SRP68: variants seen among roughly 807,000 people sequenced by gnomAD.
The protein encoded by SRP68 is signal recognition particle subunit SRP68.
SRP68 carries 15 observed loss-of-function variants against 82.2 expected under a neutral mutation model. The observed-to-expected ratio is 0.18, with a 90% CI of 0.12 to 0.28. The LOEUF is 0.28. Among genes scored for constraint, SRP68 ranks in the 10% least tolerant of loss-of-function variants. The probability of loss-of-function intolerance (pLI) is 1.00; values close to 1 mark genes in which losing one functional copy is unlikely to be tolerated. For synonymous variants in SRP68, 261 were observed against 292.6 expected (o/e 0.89, Z 1.10); for missense variants, 595 against 780.5 (o/e 0.76, Z 2.83).
In SRP68 at chr17:76,043,934, A is replaced by G. The variant is rs1048395324; in HGVS notation, c.1419T>C (p.Tyr473=). Residue 473 remains tyrosine, a synonymous_variant, in exon 13 of 16, where the codon TAT becomes TAC. Coordinates refer to ENST00000307877, the MANE Select transcript of SRP68 (RefSeq NM_014230.4). The part of the protein sequence containing the change: ...AYRCFFIAQS[Y]VLVKKWSEAL... ...CTTCGCTCCACTTCTTCACCAGCAC[A>G]TAGGACTGAGCAATGAAAAAACACC... The G allele has an allele frequency of 1.2e-6, 2 of 1,608,744 alleles. No individual in the cohort carries two copies. Among genetic ancestry groups the G allele is most frequent in the Admixed American group, 1.7e-5 (1 of 58,434 alleles).
At chr17:76,062,580 T>TTATATATTATATAA (rs2066764494) in intron 4 of SRP68, among the ~76,000 whole-genome samples, 3 of 100,478 alleles carry the variant, frequency 3.0e-5, no homozygotes, top group African/African-American at 1.3e-4. Flanking sequence ...ATAATATACA[T>TTATATATTATATAA]TATATAATAT....
chr17:76,044,089 C>T (rs2066611983), intron 12 of SRP68, 131 bp from the exon 13 acceptor site: 1 of 994,886 alleles, frequency 1.0e-6, no homozygotes, highest in Admixed American at 3.3e-5. Flanking sequence ...GCATGGGAGC[C>T]CCCTTCATGG....
intron 2 of SRP68, among the ~76,000 whole-genome samples, chr17:76,067,573 C>G (rs551200486): frequency 6.6e-6 from 1 of 152,126 alleles, no homozygotes; most frequent in Non-Finnish European, 1.5e-5. Context: ...AGTCAATCCT[C>G]CCACCTCAGC....
intron 3 of SRP68, among the ~76,000 whole-genome samples, chr17:76,065,173 G>A (rs927072996): frequency 5.9e-5 from 9 of 151,948 alleles, no homozygotes; most frequent in Non-Finnish European, 8.8e-5. Context: ...GTCCAGGCTC[G>A]GTGTAGTGGC....
rs1368687022 is a variant in SRP68, at chr17:76,072,456, G to A, written c.36C>T (p.Gly12=). 4 of 1,581,660 alleles carry A rather than the reference G, an allele frequency of 2.5e-6. No homozygotes were observed. The highest frequency in any genetic ancestry group is 1.1e-5 in the South Asian group (1 of 89,234). Residue 12 remains glycine, a synonymous_variant, in exon 1 of 16, where the codon GGC becomes GGT. Transcript: ENST00000307877. The surrounding 1 kb of genome is among the most constrained non-coding windows in gnomAD (Gnocchi z 4.5). ...AAEKQVPGGG[G]GGGSGGGGGS... Reference sequence around the variant, plus strand: ...CACCGCCGCCGCCACTGCCGCCGCCGCCGCCGCCGCCTGGGACCTGCTTCT... The same window carrying A: ...CACCGCCGCCGCCACTGCCGCCGCCACCGCCGCCGCCTGGGACCTGCTTCT...
Position 76,039,546 on chromosome 17 carries a change from A to AC in SRP68, c.*159_*160insG. On this transcript the variant is annotated 3_prime_UTR_variant, in exon 16 of 16. Transcript: ENST00000307877. ...GTGCTCTCCTGACACGCTGCTTAAG[A>AC]ACGTGTACAGACACAAGATGTAGGA... is the stretch of plus-strand genomic sequence containing the variant. The AC allele has an allele frequency of 1.4e-6, 1 of 722,272 alleles. No individual in the cohort carries two copies. The highest frequency in any genetic ancestry group is 2.4e-5 in the Admixed American group (1 of 41,966). The allele number at this position is 722,272 out of a possible 1,614,324, so 44.7% of individuals were successfully genotyped here.
chr17:76,070,872 A>G (rs2066847859), intron 1 of SRP68, among the ~76,000 whole-genome samples: 1 of 151,848 alleles, frequency 6.6e-6, no homozygotes, highest in African/African-American at 2.4e-5. Flanking sequence ...ACACACACAC[A>G]CACACACAAA....
At chr17:76,070,825 G>GT (rs1440078471) in intron 1 of SRP68, among the ~76,000 whole-genome samples, 1 of 146,964 alleles carries the variant, frequency 6.8e-6, no homozygotes, top group African/African-American at 2.5e-5. Context: ...CTAGGTGAGA[G>GT]TGAGATTCAG....
intron 4 of SRP68, among the ~76,000 whole-genome samples, chr17:76,063,247 C>T (rs1370844843): frequency 1.3e-5 from 2 of 152,130 alleles, no homozygotes; most frequent in Non-Finnish European, 2.9e-5. Flanking sequence ...ATAACATAAG[C>T]ATCAGAAGTT....
At chr17:76,060,009 C>T (rs973990830) in intron 7 of SRP68, among the ~76,000 whole-genome samples, 1 of 148,214 alleles carries the variant, frequency 6.7e-6, no homozygotes, top group Non-Finnish European at 1.5e-5. Context: ...GGCTGTAGTC[C>T]CAGCTACTTG....
chr17:76,070,734 C>T (rs552429072), intron 1 of SRP68, among the ~76,000 whole-genome samples: 9 of 152,024 alleles, frequency 5.9e-5, no homozygotes, highest in Non-Finnish European at 8.8e-5. Context: ...CCCAGCTACT[C>T]GGGAGGCTGA....
intron 9 of SRP68, among the ~76,000 whole-genome samples, 195 bp downstream of exon 9, chr17:76,050,233 G>C (rs2066661500): frequency 6.6e-6 from 1 of 152,142 alleles, no homozygotes; most frequent in African/African-American, 2.4e-5. Context: ...ACAGGGGAGG[G>C]AGAAATTAAT....
Position 76,063,973 on chromosome 17 carries a change from A to C in SRP68, c.561+3T>G. On this transcript the variant is annotated splice_donor_region_variant and intron_variant, in intron 4 of 15. Coordinates refer to ENST00000307877, the MANE Select transcript of SRP68 (RefSeq NM_014230.4). ...TAAACAAGCTGAATGTTGAGGTACTAACCTGAGCCTCTAATTTGGTCTTGG... is the reference window on the plus strand; with the variant it reads ...TAAACAAGCTGAATGTTGAGGTACTCACCTGAGCCTCTAATTTGGTCTTGG... 1 of 1,612,772 alleles carries C rather than the reference A, an allele frequency of 6.2e-7. No individual in the cohort carries two copies. The highest frequency in any genetic ancestry group is 8.5e-7 in the Non-Finnish European group (1 of 1,178,924).
intron 8 of SRP68, 52 bp from the exon 9 acceptor site, chr17:76,050,578 C>A: frequency 6.9e-7 from 1 of 1,450,122 alleles, no homozygotes; most frequent in Non-Finnish European, 9.7e-7. Context: ...AAACCATAGT[C>A]ACCTAATGGG....
chr17:76,039,615 G>T lies in SRP68; in HGVS notation c.*91C>A. The stretch of plus-strand genomic sequence containing the variant: ...TAAACTCTTGCCCCGGGCCAATGCA[G>T]ACCTGGATTTAATATCATGGAACTT... On this transcript the variant is annotated 3_prime_UTR_variant, in exon 16 of 16. Coordinates refer to ENST00000307877, the MANE Select transcript of SRP68 (RefSeq NM_014230.4). 7.7e-7 allele frequency: 1 copy of T among 1,301,832 alleles called. No homozygotes were observed. Among genetic ancestry groups the T allele is most frequent in the Non-Finnish European group, 1.1e-6 (1 of 930,010 alleles). The allele number at this position is 1,301,832 out of a possible 1,614,324, so 80.6% of individuals were successfully genotyped here.
chr17:76,062,627 C>T lies in SRP68; in HGVS notation c.562-1053G>A, dbSNP rs1470835339. On this transcript the variant is annotated intron_variant, in intron 4 of 15. Transcript: ENST00000307877. ...TATATATTATATAATATATAATATA[C>T]ATTATATATTATATAATATACATTA... Among the ~76,000 whole-genome samples the T allele has an allele frequency of 7.8e-3, 444 of 56,780 alleles. 38 individuals are homozygous for T. Among genetic ancestry groups the T allele is most frequent in the East Asian group, 0.045 (88 of 1,938 alleles). 37.2% of individuals were successfully genotyped at this position (56,780 alleles called of 152,430 possible).
intron 10 of SRP68, among the ~76,000 whole-genome samples, chr17:76,047,663 G>A (rs2066641397): frequency 6.6e-6 from 1 of 151,768 alleles, no homozygotes. Context: ...GTGCATGCCT[G>A]TAGTCCCAGC....
Position 76,072,137 on chromosome 17 carries a change from T to G in SRP68, c.184+171A>C. ...CGAGGGGGACACGAGGAAAGACTAGTCGAGAGACAGACCCCCCCCGGAATT... is the reference window on the plus strand; with the variant it reads ...CGAGGGGGACACGAGGAAAGACTAGGCGAGAGACAGACCCCCCCCGGAATT... On this transcript the variant is annotated intron_variant, in intron 1 of 15. Transcript: ENST00000307877. This position sits in a 1 kb window ranked among gnomAD's most constrained non-coding sequence, Gnocchi z 4.5. 1 of 1,297,444 alleles carries G rather than the reference T, an allele frequency of 7.7e-7. No homozygotes were observed. The highest frequency in any genetic ancestry group is 1.0e-6 in the Non-Finnish European group (1 of 955,198). The allele number at this position is 1,297,444 out of a possible 1,614,324, so 80.4% of individuals were successfully genotyped here.
At chr17:76,050,389 C>A in intron 9 of SRP68, 39 bp downstream of exon 9, 1 of 1,469,334 alleles carries the variant, frequency 6.8e-7, no homozygotes, top group Non-Finnish European at 9.5e-7. Flanking sequence ...GACCTGGACC[C>A]GCCCAGAGCA....
Sources: gnomAD v4.1 joint callset for allele counts (sites outside exome capture counted in the v4.1 genomes callset) on GRCh38, gnomAD v4.1.1 for gene constraint, Gnocchi (gnomAD v3.1) non-coding constraint, MANE v1.5 for transcripts, NCBI Gene and HGNC (gene_info 2026-07-23, HGNC 2026-07-21) for gene names.